Variants in YIPF1 observed in about 807,000 individuals in gnomAD.
YIPF1 encodes protein YIPF1.
A neutral mutation model predicts 37.0 loss-of-function variants in YIPF1; 22 were observed. That is an observed-to-expected ratio of 0.59 (90% CI 0.42 to 0.85). YIPF1 has a LOEUF of 0.85. Among genes scored for constraint, YIPF1 ranks in the 40% least tolerant of loss-of-function variants. The pLI, the probability that YIPF1 is intolerant of heterozygous loss-of-function variation, is 0.00. For synonymous variants in YIPF1, 128 were observed against 131.9 expected (o/e 0.97, Z 0.21); for missense variants, 355 against 373.1 (o/e 0.95, Z 0.40).
Position 53,866,003 on chromosome 1 carries a change from T to C in YIPF1, c.831+197A>G, listed in dbSNP as rs557512206. Among the ~76,000 whole-genome samples, 282 of 152,298 alleles carry C rather than the reference T, an allele frequency of 1.9e-3. 2 individuals are homozygous for C. Among genetic ancestry groups the C allele is most frequent in the African/African-American group, 6.5e-3 (270 of 41,572 alleles). Reference sequence around the variant, plus strand: ...TTTTAGTAGAGACAGGGTTTCACCATGTTGCCCAGGCTGGTCTTGAGCTCC... The same window carrying C: ...TTTTAGTAGAGACAGGGTTTCACCACGTTGCCCAGGCTGGTCTTGAGCTCC... On this transcript the variant is annotated intron_variant, in intron 9 of 10. Transcript: ENST00000072644.
At chr1:53,853,794 A>G (rs1025383111) in intron 10 of YIPF1, among the ~76,000 whole-genome samples, 2 of 152,214 alleles carry the variant, frequency 1.3e-5, no homozygotes, top group African/African-American at 4.8e-5. Flanking sequence ...AGTAACCATC[A>G]ACTTGGGTTC....
At chr1:53,860,726 C>G (rs1649848674) in intron 9 of YIPF1, among the ~76,000 whole-genome samples, 1 of 152,174 alleles carries the variant, frequency 6.6e-6, no homozygotes, top group African/African-American at 2.4e-5. Flanking sequence ...AAAGAGAGTG[C>G]TAGGCATGCT....
intron 10 of YIPF1, among the ~76,000 whole-genome samples, chr1:53,856,273 G>A (rs965195000): frequency 2.6e-5 from 4 of 152,190 alleles, no homozygotes; most frequent in Non-Finnish European, 5.9e-5. Context: ...GGGCCCTGAG[G>A]GGCAGGCTCT....
intron 10 of YIPF1, among the ~76,000 whole-genome samples, chr1:53,856,585 ACAG>A (rs2100717481): frequency 6.6e-6 from 1 of 152,194 alleles, no homozygotes; most frequent in Admixed American, 6.5e-5. Context: ...TTTTTCCAGA[ACAG>A]CTAACTGACT....
At chr1:53,871,016 A>C in intron 7 of YIPF1, among the ~76,000 whole-genome samples, 1 of 147,432 alleles carries the variant, frequency 6.8e-6, no homozygotes, top group Non-Finnish European at 1.5e-5. Flanking sequence ...CTGTCTCAAA[A>C]AAAAAAAAAA....
intron 9 of YIPF1, among the ~76,000 whole-genome samples, chr1:53,865,032 G>A (rs1362280554): frequency 1.3e-5 from 2 of 152,096 alleles, no homozygotes; most frequent in Non-Finnish European, 2.9e-5. Context: ...TGACTCAAAA[G>A]CACATGCTCT....
intron 7 of YIPF1, among the ~76,000 whole-genome samples, chr1:53,867,956 G>C (rs1211044927): frequency 6.6e-6 from 1 of 152,146 alleles, no homozygotes; most frequent in Non-Finnish European, 1.5e-5. Context: ...TTCTGGAGTG[G>C]AGGTCATAAA....
chr1:53,884,688 G>A (rs1650597898), intron 3 of YIPF1, among the ~76,000 whole-genome samples: 1 of 152,218 alleles, frequency 6.6e-6, no homozygotes, highest in South Asian at 2.1e-4. Context: ...CCTGAACCAT[G>A]TTACCAAACT....
At chr1:53,853,032 T>C (rs1649634280) in intron 10 of YIPF1, among the ~76,000 whole-genome samples, 1 of 152,202 alleles carries the variant, frequency 6.6e-6, no homozygotes, top group Non-Finnish European at 1.5e-5. Flanking sequence ...TGCTGACTGA[T>C]ACTATGTGGA....
rs150471927 is a variant in YIPF1 at position 53,859,466 on chromosome 1, C to A, written c.*8+590G>T. On this transcript the variant is annotated intron_variant, in intron 10 of 10. Coordinates refer to ENST00000072644, the MANE Select transcript of YIPF1 (RefSeq NM_018982.5). ...ATCACCTGAGGTCAGGAGTTCAAGA[C>A]CAGCCTGGCCAGCATGGTGAAACCC... 8.4e-3 allele frequency among the ~76,000 whole-genome samples: 1,284 copies of A among 152,220 alleles called. 24 individuals are homozygous for A. Among genetic ancestry groups the A allele is most frequent in the African/African-American group, 0.029 (1,221 of 41,530 alleles).
At chr1:53,861,153 T>C (rs1649864174) in intron 9 of YIPF1, among the ~76,000 whole-genome samples, 1 of 152,222 alleles carries the variant, frequency 6.6e-6, no homozygotes, top group African/African-American at 2.4e-5. Context: ...CCAGATGATG[T>C]CTTTCTCTGC....
At position 53,852,043 on chromosome 1, in the gene YIPF1, G is replaced by A. The variant is rs1401506301; in HGVS notation, c.*236C>T. ...ATTCCCTGGCATTTCAGTCCAATCAGCGCATGCTCGCAATGATCATCCATG... is the reference window on the plus strand; with the variant it reads ...ATTCCCTGGCATTTCAGTCCAATCAACGCATGCTCGCAATGATCATCCATG... On this transcript the variant is annotated 3_prime_UTR_variant, in exon 11 of 11. Coordinates refer to ENST00000072644, the MANE Select transcript of YIPF1 (RefSeq NM_018982.5). 1.3e-5 allele frequency: 2 copies of A among 152,212 alleles called. No individual in the cohort carries two copies. Among genetic ancestry groups the A allele is most frequent in the East Asian group, 3.9e-4 (2 of 5,194 alleles). 9.4% of individuals were successfully genotyped at this position (152,212 alleles called of 1,614,324 possible).
chr1:53,884,218 G>C (rs1208305671), intron 3 of YIPF1, among the ~76,000 whole-genome samples: 2 of 124,554 alleles, frequency 1.6e-5, no homozygotes, highest in Non-Finnish European at 3.2e-5. Flanking sequence ...CTGGGCAAGA[G>C]AGTAAGACTT....
chr1:53,885,110 A>G (rs1038070049), intron 3 of YIPF1, among the ~76,000 whole-genome samples: 3 of 152,242 alleles, frequency 2.0e-5, no homozygotes, highest in African/African-American at 7.2e-5. Flanking sequence ...GACCTTGAGC[A>G]AATTACTCCA....
chr1:53,866,864 C>G lies in YIPF1; in HGVS notation c.542G>C (p.Gly181Ala), dbSNP rs1650039853. ...YAWLVPLALWGFLMWRNSKVM... is the reference protein window; with the variant it reads ...YAWLVPLALWAFLMWRNSKVM... ...TTTGCTGTTTCTCCACATGAGGAAA[C>G]CCCAGAGTGCAAGAGGAACCAGCCA... is the stretch of plus-strand genomic sequence containing the variant. Residue 181 changes from glycine (G) to alanine (A), a missense_variant, in exon 8 of 11, where the codon GGT becomes GCT. Physicochemically the swap from Gly to Ala is moderately conservative, Grantham distance 60 (BLOSUM62 0). Transcript: ENST00000072644. The G allele has an allele frequency of 6.2e-7, 1 of 1,614,150 alleles. No individual in the cohort carries two copies. The highest frequency in any genetic ancestry group is 8.5e-7 in the Non-Finnish European group (1 of 1,180,032).
At chr1:53,856,586 C>T (rs958689038) in intron 10 of YIPF1, among the ~76,000 whole-genome samples, 1 of 152,170 alleles carries the variant, frequency 6.6e-6, no homozygotes, top group Non-Finnish European at 1.5e-5. Context: ...TTTTCCAGAA[C>T]AGCTAACTGA....
At chr1:53,862,277 G>T (rs1043554130) in intron 9 of YIPF1, among the ~76,000 whole-genome samples, 15 of 152,222 alleles carry the variant, frequency 9.9e-5, no homozygotes, top group Admixed American at 4.6e-4. Flanking sequence ...TTTCAATCCA[G>T]TCGAGTCCAT....
At chr1:53,888,598 G>A (rs1431246184) in intron 3 of YIPF1, among the ~76,000 whole-genome samples, 1 of 152,126 alleles carries the variant, frequency 6.6e-6, no homozygotes, top group Non-Finnish European at 1.5e-5. Context: ...TATCTTGTAC[G>A]GTTCTAAGCA....
intron 3 of YIPF1, among the ~76,000 whole-genome samples, chr1:53,886,315 C>T (rs917272066): frequency 2.6e-5 from 4 of 151,882 alleles, no homozygotes; most frequent in Non-Finnish European, 4.4e-5. Context: ...CCTAACATGA[C>T]GACTCTTCAC....
Sources: allele counts gnomAD v4.1 joint callset (sites outside exome capture counted in the v4.1 genomes callset), GRCh38; gene constraint gnomAD v4.1.1; transcripts MANE v1.5; gene names NCBI Gene and HGNC (gene_info 2026-07-23, HGNC 2026-07-21).